AKAP13: variants seen among roughly 807,000 people sequenced by gnomAD.
AKAP13 encodes A-kinase anchoring protein 13.
In AKAP13, 80 loss-of-function variants were observed where a neutral mutation model predicts 264.5. The observed-to-expected ratio is 0.30, with a 90% CI of 0.25 to 0.36. The LOEUF (loss-of-function observed/expected upper bound fraction) is 0.36, where lower values mean the gene tolerates loss of function less well. Among genes scored for constraint, AKAP13 ranks in the 10% least tolerant of loss-of-function variants. The pLI, the probability that AKAP13 is intolerant of heterozygous loss-of-function variation, is 1.00. For synonymous variants in AKAP13, 1,380 were observed against 1,250.2 expected (o/e 1.10, Z -2.19); for missense variants, 3,712 against 3,435.2 (o/e 1.08, Z -2.01).
chr15:85,574,989 C>T (rs779095140), intron 5 of AKAP13, 142 bp from the exon 6 acceptor site: 1 of 677,020 alleles, frequency 1.5e-6, no homozygotes, highest in Non-Finnish European at 2.5e-6. Context: ...ATGCCTGAAT[C>T]ATTTGGGAGG....
At chr15:85,694,623 C>A (rs965416528) in intron 17 of AKAP13, among the ~76,000 whole-genome samples, 2 of 152,180 alleles carry the variant, frequency 1.3e-5, no homozygotes, top group East Asian at 3.8e-4. Context: ...ATAATTTGCA[C>A]GTTTTTGCTG....
intron 8 of AKAP13, among the ~76,000 whole-genome samples, chr15:85,608,157 TAAG>T (rs1049877353): frequency 5.9e-5 from 9 of 152,002 alleles, no homozygotes; most frequent in Admixed American, 2.6e-4. Context: ...AAGAGAAAAA[TAAG>T]AAGTCAAGTA....
chr15:85,442,569 A>G (rs1157178739), intron 1 of AKAP13, among the ~76,000 whole-genome samples: 11 of 139,676 alleles, frequency 7.9e-5, no homozygotes, highest in Middle Eastern at 3.7e-3. Context: ...TAGCATGAGA[A>G]TGATGAAACT....
chr15:85,679,065 C>T (rs1005333518), intron 14 of AKAP13, among the ~76,000 whole-genome samples: 4 of 151,724 alleles, frequency 2.6e-5, no homozygotes, highest in African/African-American at 9.7e-5. Flanking sequence ...ATAGTGAAAC[C>T]CCATCTCTAC....
rs2089322385 is a variant in AKAP13 at position 85,744,897 on chromosome 15, C to T, written c.*220C>T. 2.1e-6 allele frequency: 1 copy of T among 485,690 alleles called. No homozygotes were observed. The highest frequency in any genetic ancestry group is 3.3e-5 in the South Asian group (1 of 30,468). 30.1% of individuals were successfully genotyped at this position (485,690 alleles called of 1,614,324 possible). On this transcript the variant is annotated 3_prime_UTR_variant, in exon 37 of 37. Coordinates refer to ENST00000394518, the MANE Select transcript of AKAP13 (RefSeq NM_007200.5). ...TGCTTCGGCCATGATTTGTGACTGCCCAGGACTCTCAGGTTGGGCTGGCCC... is the reference window on the plus strand; with the variant it reads ...TGCTTCGGCCATGATTTGTGACTGCTCAGGACTCTCAGGTTGGGCTGGCCC...
chr15:85,641,634 T>C (rs558699581), intron 9 of AKAP13, among the ~76,000 whole-genome samples: 2 of 151,362 alleles, frequency 1.3e-5, no homozygotes, highest in South Asian at 2.1e-4. Flanking sequence ...TACAGGTGCC[T>C]GCCACCACAC....
chr15:85,694,142 A>G (rs545977584), intron 17 of AKAP13, among the ~76,000 whole-genome samples: 2 of 152,298 alleles, frequency 1.3e-5, no homozygotes, highest in South Asian at 4.1e-4. Context: ...ATATGTGCTC[A>G]TTTTTATTCT....
intron 26 of AKAP13, 185 bp from the exon 27 acceptor site, chr15:85,726,225 G>T: frequency 2.1e-6 from 1 of 469,596 alleles, no homozygotes; most frequent in Non-Finnish European, 3.8e-6. Flanking sequence ...AAAATCTGGT[G>T]ACCAGATCTG....
intron 2 of AKAP13, among the ~76,000 whole-genome samples, chr15:85,515,086 A>G (rs1196152348): frequency 7.2e-6 from 1 of 138,258 alleles, no homozygotes; most frequent in East Asian, 2.0e-4. Flanking sequence ...GCCTACAAGA[A>G]TGTCTTTACA....
At position 85,579,165 on chromosome 15, in the gene AKAP13, A is replaced by G; in HGVS notation, c.1097A>G (p.Asp366Gly). ...LSSIVEEENTDRSCRKKNKGV... is the reference protein window; with the variant it reads ...LSSIVEEENTGRSCRKKNKGV... ...AGCATAGTTGAGGAGGAGAATACAGACCGTTCCTGTAGGAAGAAAAATAAA... is the reference window on the plus strand; with the variant it reads ...AGCATAGTTGAGGAGGAGAATACAGGCCGTTCCTGTAGGAAGAAAAATAAA... The change falls in exon 7 of 37, where the codon GAC becomes GGC. Residue 366 changes from aspartate to glycine, a missense_variant. By Grantham distance (94) the Asp-to-Gly change is moderately conservative (BLOSUM62 -1). This residue lies in a region of AKAP13 where 2,759 missense variants were observed against 2,411.7 expected (regional missense o/e 1.14). Coordinates refer to ENST00000394518, the MANE Select transcript of AKAP13 (RefSeq NM_007200.5). 6.2e-7 allele frequency: 1 copy of G among 1,614,164 alleles called. No individual in the cohort carries two copies. The highest frequency in any genetic ancestry group is 8.5e-7 in the Non-Finnish European group (1 of 1,180,030).
At chr15:85,572,389 G>A (rs926084109) in intron 5 of AKAP13, among the ~76,000 whole-genome samples, 4 of 152,118 alleles carry the variant, frequency 2.6e-5, no homozygotes, top group East Asian at 1.9e-4. Flanking sequence ...TTGTCTCCCC[G>A]CTATTTGACT....
chr15:85,673,722 G>T (rs2084056014), intron 14 of AKAP13, among the ~76,000 whole-genome samples: 1 of 89,144 alleles, frequency 1.1e-5, no homozygotes, highest in Non-Finnish European at 2.0e-5. Context: ...TTGCTCTGTT[G>T]TTGCCCAGGC....
intron 2 of AKAP13, among the ~76,000 whole-genome samples, chr15:85,509,985 C>T (rs2076366208): frequency 6.6e-6 from 1 of 152,208 alleles, no homozygotes; most frequent in Non-Finnish European, 1.5e-5. Context: ...TCCTCAGGCT[C>T]CTTCCAGGTG....
In AKAP13 at chr15:85,581,908, G is replaced by T; in HGVS notation, c.3840G>T (p.Leu1280=). ...AGGGGGAGGCCTGTCACATGTCACT[G>T]TCCAGCCCTGAGTTGGGTCCTCTCA... ...LTEGEACHMS[L]SSPELGPLTK... is the part of the protein sequence containing the mutation. Residue 1280 remains leucine, a synonymous_variant, in exon 7 of 37, where the codon CTG becomes CTT. Coordinates refer to ENST00000394518, the MANE Select transcript of AKAP13 (RefSeq NM_007200.5). The T allele has an allele frequency of 6.2e-7, 1 of 1,614,202 alleles. No individual in the cohort carries two copies. Among genetic ancestry groups the T allele is most frequent in the East Asian group, 2.2e-5 (1 of 44,878 alleles).
rs542349850 is a variant in AKAP13, at chr15:85,646,198, G to T, written c.4374+244G>T. On this transcript the variant is annotated intron_variant, in intron 10 of 36. Transcript: ENST00000394518. The stretch of plus-strand genomic sequence containing the variant: ...GGGTTTAGAAAAAGGCACTGGGCTG[G>T]GCATGGTGGCTCACGCCTGTAATCC... 2.0e-5 allele frequency among the ~76,000 whole-genome samples: 3 copies of T among 152,302 alleles called. No individual in the cohort carries two copies. The East Asian group carries it at 5.8e-4, about 29-fold the overall frequency.
intron 19 of AKAP13, among the ~76,000 whole-genome samples, chr15:85,714,290 T>C (rs1352139868): frequency 6.6e-6 from 1 of 152,172 alleles, no homozygotes; most frequent in Admixed American, 6.5e-5. Flanking sequence ...TCACATTGAG[T>C]AGACCAAGAA....
intron 3 of AKAP13, among the ~76,000 whole-genome samples, chr15:85,526,762 T>C (rs1247791049): frequency 2.0e-5 from 3 of 152,198 alleles, no homozygotes; most frequent in Admixed American, 6.5e-5. Context: ...GTTATTTTTA[T>C]TGGACTTTTT....
intron 8 of AKAP13, among the ~76,000 whole-genome samples, chr15:85,631,507 C>CAA: frequency 8.4e-5 from 1 of 11,940 alleles, no homozygotes; most frequent in South Asian, 6.0e-3. Context: ...CTCTCTCACA[C>CAA]ACACACACAC....
At chr15:85,460,837 A>G (rs2074482100) in intron 1 of AKAP13, among the ~76,000 whole-genome samples, 1 of 152,232 alleles carries the variant, frequency 6.6e-6, no homozygotes, top group Admixed American at 6.5e-5. Context: ...AAGGTCAGGG[A>G]GAAAGATTTT....
Sources: gnomAD v4.1 joint callset for allele counts (sites outside exome capture counted in the v4.1 genomes callset) on GRCh38, gnomAD v4.1.1 for gene constraint, gnomAD v4.1.1 regional missense constraint, MANE v1.5 for transcripts, NCBI Gene and HGNC (gene_info 2026-07-23, HGNC 2026-07-21) for gene names.